IMMP2L: variants seen among roughly 807,000 people sequenced by gnomAD.
IMMP2L encodes the protein inner mitochondrial membrane peptidase subunit 2.
In IMMP2L, 18 loss-of-function variants were observed where a neutral mutation model predicts 19.3. That is an observed-to-expected ratio of 0.93 (90% CI 0.64 to 1.38). IMMP2L has a LOEUF of 1.38. Among genes scored for constraint, IMMP2L ranks in the 40% most tolerant of loss-of-function variants. The pLI, the probability that IMMP2L is intolerant of heterozygous loss-of-function variation, is 0.00. For missense variants in IMMP2L, 233 were observed against 218.2 expected (o/e 1.07, Z -0.43); for synonymous variants, 76 against 73.0 (o/e 1.04, Z -0.21).
intron 1 of IMMP2L, among the ~76,000 whole-genome samples, chr7:111,530,248 G>A (rs1394920967): frequency 1.3e-5 from 2 of 152,146 alleles, no homozygotes; most frequent in Non-Finnish European, 2.9e-5. Flanking sequence ...ATAAGCATTT[G>A]TGTAAAGAAA....
intron 3 of IMMP2L, among the ~76,000 whole-genome samples, chr7:111,167,187 G>A (rs899067308): frequency 6.6e-6 from 1 of 151,880 alleles, no homozygotes; most frequent in African/African-American, 2.4e-5. Flanking sequence ...ACCACGTCAT[G>A]AACCACACCT....
intron 4 of IMMP2L, among the ~76,000 whole-genome samples, chr7:110,927,654 C>T (rs779165169): frequency 2.6e-5 from 4 of 151,860 alleles, no homozygotes; most frequent in Non-Finnish European, 5.9e-5. Flanking sequence ...TTCTGGAAAA[C>T]GCAAGGAAAC....
intron 1 of IMMP2L, among the ~76,000 whole-genome samples, chr7:111,530,593 A>C (rs1322156552): frequency 6.6e-6 from 1 of 152,146 alleles, no homozygotes; most frequent in Non-Finnish European, 1.5e-5. Flanking sequence ...ACTTAGTGCC[A>C]GAATTGGACC....
intron 3 of IMMP2L, among the ~76,000 whole-genome samples, chr7:111,400,519 G>A (rs1833319778): frequency 6.6e-6 from 1 of 151,920 alleles, no homozygotes; most frequent in Non-Finnish European, 1.5e-5. Flanking sequence ...AGACTTCCTT[G>A]ACCTTCTCCA....
chr7:110,876,065 T>G (rs1287420826), intron 5 of IMMP2L, among the ~76,000 whole-genome samples: 3 of 152,198 alleles, frequency 2.0e-5, no homozygotes, highest in Admixed American at 6.6e-5. Flanking sequence ...ATATTTTTAA[T>G]TAAAACATTT....
chr7:111,418,685 T>C (rs1835178484), intron 3 of IMMP2L, among the ~76,000 whole-genome samples: 2 of 151,828 alleles, frequency 1.3e-5, no homozygotes, highest in Admixed American at 6.6e-5. Flanking sequence ...GTAAACAATA[T>C]ATTGATCAAA....
At chr7:111,462,932 G>T (rs1291400984) in intron 3 of IMMP2L, among the ~76,000 whole-genome samples, 2 of 152,058 alleles carry the variant, frequency 1.3e-5, no homozygotes, top group African/African-American at 4.8e-5. Context: ...CATGACATAT[G>T]GTATGTTATT....
At chr7:110,698,465 G>T (rs1794033656) in intron 5 of IMMP2L, among the ~76,000 whole-genome samples, 1 of 152,128 alleles carries the variant, frequency 6.6e-6, no homozygotes, top group Non-Finnish European at 1.5e-5. Flanking sequence ...ATCCAGAATT[G>T]TAAAAGGACA....
intron 3 of IMMP2L, among the ~76,000 whole-genome samples, chr7:111,240,485 G>C (rs762786653): frequency 6.6e-6 from 1 of 151,936 alleles, no homozygotes; most frequent in South Asian, 2.1e-4. Flanking sequence ...CACACCTGTT[G>C]TCTGTCATGT....
intron 3 of IMMP2L, among the ~76,000 whole-genome samples, chr7:111,449,383 TG>T (rs1384029710): frequency 2.3e-5 from 2 of 88,170 alleles, no homozygotes; most frequent in Non-Finnish European, 4.4e-5. Flanking sequence ...GCTTCATCCC[TG>T]GGATGCAAGG....
chr7:111,176,816 G>C (rs913263860), intron 3 of IMMP2L, among the ~76,000 whole-genome samples: 1 of 151,756 alleles, frequency 6.6e-6, no homozygotes, highest in Admixed American at 6.6e-5. Context: ...AAAATAAATG[G>C]TGCACAGTGT....
intron 3 of IMMP2L, among the ~76,000 whole-genome samples, chr7:111,120,046 T>C (rs890838150): frequency 6.6e-6 from 1 of 152,200 alleles, no homozygotes; most frequent in Non-Finnish European, 1.5e-5. Flanking sequence ...GCTCTACCAA[T>C]AGGGAGAAGG....
At chr7:110,858,656 GGTTA>G (rs1807054450) in intron 5 of IMMP2L, among the ~76,000 whole-genome samples, 1 of 151,852 alleles carries the variant, frequency 6.6e-6, no homozygotes, top group Admixed American at 6.6e-5. Flanking sequence ...ACAATGTGCA[GGTTA>G]GTTACATATG....
intron 3 of IMMP2L, among the ~76,000 whole-genome samples, chr7:111,287,935 C>A (rs1820677023): frequency 6.6e-6 from 1 of 152,162 alleles, no homozygotes; most frequent in Admixed American, 6.6e-5. Context: ...AAAATATAAT[C>A]TATCCAAATT....
intron 3 of IMMP2L, among the ~76,000 whole-genome samples, chr7:110,982,635 T>G (rs1585580904): frequency 6.6e-6 from 1 of 152,228 alleles, no homozygotes; most frequent in East Asian, 1.9e-4. Flanking sequence ...AAGACTCCAC[T>G]GTGACTGTAC....
At chr7:111,014,809 A>G (rs760268347) in intron 3 of IMMP2L, among the ~76,000 whole-genome samples, 1 of 152,300 alleles carries the variant, frequency 6.6e-6, no homozygotes, top group African/African-American at 2.4e-5. Context: ...ATGGCCAACA[A>G]GCTTGTGAAA....
chr7:110,677,066 T>G lies in IMMP2L; in HGVS notation c.409-13345A>C, dbSNP rs929209258. On this transcript the variant is annotated intron_variant, in intron 5 of 5. Transcript: ENST00000405709. ...TCCCACCTCTCTGGTAACCATTTTT[T>G]GCTCATGTCAATATTACACATGAAC... Among the ~76,000 whole-genome samples, 6 of 152,344 alleles carry G rather than the reference T, an allele frequency of 3.9e-5. No homozygotes were observed. In the East Asian group the frequency reaches 1.2e-3, roughly 29 times the overall value.
intron 3 of IMMP2L, among the ~76,000 whole-genome samples, chr7:111,302,229 A>G (rs904597206): frequency 1.3e-5 from 2 of 152,094 alleles, no homozygotes; most frequent in Non-Finnish European, 1.5e-5. Flanking sequence ...TGACTATCCA[A>G]GCTATACAAA....
At chr7:110,755,993 G>C (rs1798018088) in intron 5 of IMMP2L, among the ~76,000 whole-genome samples, 2 of 151,968 alleles carry the variant, frequency 1.3e-5, no homozygotes, top group Non-Finnish European at 1.5e-5. Flanking sequence ...CAAACTTTAT[G>C]CAAAAAAGAT....
Sources: allele counts gnomAD v4.1 joint callset (sites outside exome capture counted in the v4.1 genomes callset), GRCh38; gene constraint gnomAD v4.1.1; transcripts MANE v1.5; gene names NCBI Gene and HGNC (gene_info 2026-07-23, HGNC 2026-07-21).